The following RAPGEF5 variants were observed in gnomAD, a reference collection of about 807,000 sequenced individuals.
RAPGEF5 encodes M-Ras-regulated GEF.
Under a neutral mutation model 125.2 loss-of-function variants are expected in RAPGEF5, and 65 were observed. The observed-to-expected ratio is 0.52, with a 90% confidence interval of 0.43 to 0.64. RAPGEF5 has a LOEUF of 0.64. Among genes scored for constraint, RAPGEF5 ranks in the 30% least tolerant of loss-of-function variants. RAPGEF5 has a pLI of 0.00. For synonymous variants in RAPGEF5, 391 were observed against 385.9 expected (o/e 1.01, Z -0.16); for missense variants, 958 against 1,048.1 (o/e 0.91, Z 1.19).
intron 7 of RAPGEF5, among the ~76,000 whole-genome samples, chr7:22,262,926 C>A (rs1237548170): frequency 6.6e-6 from 1 of 152,186 alleles, no homozygotes; most frequent in Non-Finnish European, 1.5e-5. Flanking sequence ...TATCGTGCCA[C>A]TGCACTGCAG....
intron 1 of RAPGEF5, among the ~76,000 whole-genome samples, chr7:22,355,188 T>C (rs1423433624): frequency 6.6e-6 from 1 of 152,136 alleles, no homozygotes; most frequent in Admixed American, 6.5e-5. Context: ...AGAGGGTTAA[T>C]AAAGCATACA....
rs1782600583 is a variant in RAPGEF5 at position 22,122,214 on chromosome 7, G to A, written c.*192C>T. 1.6e-5 allele frequency: 9 copies of A among 549,276 alleles called. No homozygotes were observed. 34.0% of individuals were successfully genotyped at this position (549,276 alleles called of 1,614,324 possible). A position where few individuals can be genotyped will look rare whatever the true frequency, so the allele number is the denominator to read the frequency against. ...TGCCTTCTTGTCCCGAGAGTAGCAT[G>A]GAGAAACCTCTCCCCCTCTCTGGTG... On this transcript the variant is annotated 3_prime_UTR_variant, in exon 26 of 26. Transcript: ENST00000665637.
intron 2 of RAPGEF5, among the ~76,000 whole-genome samples, chr7:22,316,489 A>ATAT (rs1201099897): frequency 2.6e-4 from 13 of 50,642 alleles, no homozygotes; most frequent in East Asian, 1.3e-3. Context: ...ATATATATAT[A>ATAT]TTTTTTTTTT....
At chr7:22,204,332 T>C (rs1785349248) in intron 9 of RAPGEF5, among the ~76,000 whole-genome samples, 1 of 152,192 alleles carries the variant, frequency 6.6e-6, no homozygotes, top group Non-Finnish European at 1.5e-5. Flanking sequence ...TTCTTCAAAC[T>C]TAAAAAGGAA....
At chr7:22,229,344 T>A (rs1786001428) in intron 8 of RAPGEF5, among the ~76,000 whole-genome samples, 1 of 152,176 alleles carries the variant, frequency 6.6e-6, no homozygotes, top group African/African-American at 2.4e-5. Flanking sequence ...GACCCAAAGT[T>A]TTCAGCAGCC....
At chr7:22,141,152 C>A (rs949900479) in intron 20 of RAPGEF5, among the ~76,000 whole-genome samples, 1 of 152,118 alleles carries the variant, frequency 6.6e-6, no homozygotes, top group Non-Finnish European at 1.5e-5. Context: ...CTATCATTAA[C>A]AGCTATGTAA....
At chr7:22,192,482 G>A (rs1785026585) in intron 11 of RAPGEF5, 1 of 152,144 alleles carries the variant, frequency 6.6e-6, no homozygotes, top group South Asian at 2.1e-4. Context: ...AATCCTTCTT[G>A]CATGGTAAAA....
intron 18 of RAPGEF5, among the ~76,000 whole-genome samples, chr7:22,147,959 G>A (rs957303792): frequency 1.6e-4 from 25 of 152,256 alleles, no homozygotes; most frequent in African/African-American, 5.5e-4. Flanking sequence ...TGATGAAAAC[G>A]TTTCCTATTT....
intron 23 of RAPGEF5, among the ~76,000 whole-genome samples, chr7:22,134,922 T>C (rs1015728198): frequency 6.6e-6 from 1 of 152,230 alleles, no homozygotes; most frequent in Non-Finnish European, 1.5e-5. Context: ...TCTATCTCCA[T>C]TGTCCTAATA....
Position 22,122,494 on chromosome 7 carries a change from T to G in RAPGEF5, c.2564A>C (p.Glu855Ala). 6.2e-7 allele frequency: 1 copy of G among 1,613,674 alleles called. No homozygotes were observed. Among genetic ancestry groups the G allele is most frequent in the Non-Finnish European group, 8.5e-7 (1 of 1,179,740 alleles). Residue 855 changes from glutamate to alanine, a missense_variant, in exon 26 of 26, where the codon GAG (glutamate) becomes GCG (alanine). Transcript: ENST00000665637. ...CAGGTGATTAACATAGGACTTTAACTCTTGATGCTCTTTTGGAGACAGGTC... is the reference window on the plus strand; with the variant it reads ...CAGGTGATTAACATAGGACTTTAACGCTTGATGCTCTTTTGGAGACAGGTC... ...FGDLSPKEHQ[E>A]LKSYVNHLYV...
At chr7:22,212,502 T>G (rs1183417324) in intron 9 of RAPGEF5, among the ~76,000 whole-genome samples, 1 of 152,220 alleles carries the variant, frequency 6.6e-6, no homozygotes, top group Non-Finnish European at 1.5e-5. Context: ...AGGTCAGAGA[T>G]GTATCAGGGC....
chr7:22,202,898 A>G, intron 9 of RAPGEF5: 2 of 372,478 alleles, frequency 5.4e-6, no homozygotes, highest in African/African-American at 2.1e-5. Flanking sequence ...TACTGGACAC[A>G]GAGAAAGCCC....
At chr7:22,313,218 T>C (rs903926526) in intron 3 of RAPGEF5, among the ~76,000 whole-genome samples, 8 of 152,246 alleles carry the variant, frequency 5.3e-5, no homozygotes, top group African/African-American at 1.7e-4. Context: ...TTTTAGCAAT[T>C]AATTCATAGT....
chr7:22,324,723 A>G (rs909614894), intron 1 of RAPGEF5, among the ~76,000 whole-genome samples: 1 of 152,148 alleles, frequency 6.6e-6, no homozygotes, highest in Admixed American at 6.5e-5. Context: ...CCCCTCCATA[A>G]CTTCCTTGGG....
At chr7:22,248,566 C>T (rs1786538250) in intron 7 of RAPGEF5, among the ~76,000 whole-genome samples, 1 of 152,180 alleles carries the variant, frequency 6.6e-6, no homozygotes, top group African/African-American at 2.4e-5. Context: ...ATGCCCCCAA[C>T]TCCTCCACTG....
intron 11 of RAPGEF5, among the ~76,000 whole-genome samples, chr7:22,172,905 A>G (rs1784392864): frequency 6.6e-6 from 1 of 152,244 alleles, no homozygotes; most frequent in African/African-American, 2.4e-5. Context: ...TTACCAAGAA[A>G]GCAAATTAAA....
chr7:22,308,517 A>C lies in RAPGEF5; in HGVS notation c.512-10T>G, dbSNP rs1396233087. On this transcript the variant is annotated splice_polypyrimidine_tract_variant and intron_variant, in intron 4 of 25. Coordinates refer to ENST00000665637, the MANE Select transcript of RAPGEF5 (RefSeq NM_012294.5). Reference sequence around the variant, plus strand: ...TATAGATGCTGGTCCACTGTTTGAAACAAAAAATATATAGATCAATTTTTT... The same window carrying C: ...TATAGATGCTGGTCCACTGTTTGAACCAAAAAATATATAGATCAATTTTTT... The C allele has an allele frequency of 6.7e-7, 1 of 1,501,630 alleles. No homozygotes were observed. Among genetic ancestry groups the C allele is most frequent in the Non-Finnish European group, 8.9e-7 (1 of 1,117,710 alleles). The allele number at this position is 1,501,630 out of a possible 1,614,324, so 93.0% of individuals were successfully genotyped here.
chr7:22,186,498 C>T (rs562791448), intron 11 of RAPGEF5, among the ~76,000 whole-genome samples: 2 of 152,078 alleles, frequency 1.3e-5, no homozygotes, highest in African/African-American at 4.8e-5. Context: ...TATTTAGCAA[C>T]CCATCATCTA....
intron 6 of RAPGEF5, among the ~76,000 whole-genome samples, chr7:22,287,377 A>T (rs1782822302): frequency 6.6e-6 from 1 of 152,228 alleles, no homozygotes; most frequent in African/African-American, 2.4e-5. Context: ...GTAAAATTTC[A>T]GATAATATAT....
Sources: allele counts gnomAD v4.1 joint callset (sites outside exome capture counted in the v4.1 genomes callset), GRCh38; gene constraint gnomAD v4.1.1; transcripts MANE v1.5; gene names NCBI Gene and HGNC (gene_info 2026-07-23, HGNC 2026-07-21).